AGBL4: variants seen among roughly 807,000 people sequenced by gnomAD.
AGBL4 encodes the protein AGBL carboxypeptidase 4.
In AGBL4, 58 loss-of-function variants were observed where a neutral mutation model predicts 66.4. That is an observed-to-expected ratio of 0.87 (90% CI 0.71 to 1.09). The LOEUF is 1.09. Ranked by LOEUF, AGBL4 falls within the 50% of genes least tolerant of loss-of-function variation. AGBL4 has a pLI of 0.00. For synonymous variants in AGBL4, 234 were observed against 222.9 expected (o/e 1.05, Z -0.44); for missense variants, 579 against 631.0 (o/e 0.92, Z 0.88).
chr1:48,963,501 CTT>C (rs1170684735), intron 5 of AGBL4, among the ~76,000 whole-genome samples: 51 of 143,780 alleles, frequency 3.5e-4, no homozygotes, highest in Admixed American at 4.9e-4. Context: ...TAGAATTCAT[CTT>C]TTTTTTTTTT....
At position 48,578,580 on chromosome 1, in the gene AGBL4, C is replaced by T. The variant is rs146069076; in HGVS notation, c.1267+8424G>A. 7.9e-5 allele frequency among the ~76,000 whole-genome samples: 12 copies of T among 152,262 alleles called. No individual in the cohort carries two copies. The East Asian group carries it at 2.1e-3, about 27-fold the overall frequency. ...TGACTGCTTCCTACTCTTCTGTCCT[C>T]CACCGAAAATTTAGTGAAGGCTCTC... is the stretch of plus-strand genomic sequence containing the variant. On this transcript the variant is annotated intron_variant, in intron 11 of 13. Transcript: ENST00000371839.
intron 5 of AGBL4, among the ~76,000 whole-genome samples, chr1:48,943,758 TTTGTTGTTG>T (rs61662632): frequency 6.6e-6 from 1 of 151,082 alleles, no homozygotes; most frequent in African/African-American, 2.4e-5. Flanking sequence ...TGGGTGGTTG[TTTGTTGTTG>T]TTGTTGTTGT....
intron 3 of AGBL4, among the ~76,000 whole-genome samples, chr1:49,376,546 A>G (rs1644475577): frequency 6.6e-6 from 1 of 152,062 alleles, no homozygotes; most frequent in Non-Finnish European, 1.5e-5. Flanking sequence ...AGCTTTTACT[A>G]TTGCCAGTCC....
At chr1:48,834,472 A>C (rs1646630657) in intron 6 of AGBL4, among the ~76,000 whole-genome samples, 1 of 152,134 alleles carries the variant, frequency 6.6e-6, no homozygotes, top group Non-Finnish European at 1.5e-5. Context: ...TAGTATGTGG[A>C]GGTAAGGCCT....
intron 9 of AGBL4, among the ~76,000 whole-genome samples, chr1:48,599,356 T>C (rs572001660): frequency 3.0e-4 from 45 of 152,094 alleles, no homozygotes; most frequent in African/African-American, 1.1e-3. Flanking sequence ...CCTTTGTATA[T>C]GACTGGCAGC....
chr1:49,282,074 T>C (rs1570323410), intron 3 of AGBL4, among the ~76,000 whole-genome samples: 1 of 152,138 alleles, frequency 6.6e-6, no homozygotes, highest in African/African-American at 2.4e-5. Context: ...TATCTCCAGG[T>C]AGATAGTCAG....
intron 4 of AGBL4, among the ~76,000 whole-genome samples, chr1:49,187,005 C>A (rs1557710796): frequency 6.6e-6 from 1 of 152,084 alleles, no homozygotes. Context: ...GGAAAATATA[C>A]CAAATTTCTT....
intron 3 of AGBL4, among the ~76,000 whole-genome samples, chr1:49,636,452 T>G (rs1645674291): frequency 6.6e-6 from 1 of 152,112 alleles, no homozygotes; most frequent in Non-Finnish European, 1.5e-5. Context: ...TATCCTCACT[T>G]TAGGGATTAG....
intron 3 of AGBL4, among the ~76,000 whole-genome samples, chr1:49,337,985 G>T (rs1645470617): frequency 6.6e-6 from 1 of 152,178 alleles, no homozygotes; most frequent in Non-Finnish European, 1.5e-5. Context: ...GGAAGGAGGA[G>T]AAAACAAGTA....
At chr1:48,911,481 G>C (rs974155397) in intron 5 of AGBL4, among the ~76,000 whole-genome samples, 2 of 152,002 alleles carry the variant, frequency 1.3e-5, no homozygotes, top group African/African-American at 4.8e-5. Context: ...TTAGCCAGGC[G>C]TGGTGGTGGG....
At chr1:48,979,605 T>C (rs1259974132) in intron 5 of AGBL4, among the ~76,000 whole-genome samples, 1 of 152,000 alleles carries the variant, frequency 6.6e-6, no homozygotes, top group Non-Finnish European at 1.5e-5. Flanking sequence ...TCTTTAATCT[T>C]TGAAGAATTG....
intron 3 of AGBL4, among the ~76,000 whole-genome samples, chr1:49,347,051 T>G (rs1324984463): frequency 6.6e-6 from 1 of 152,214 alleles, no homozygotes; most frequent in Admixed American, 6.5e-5. Flanking sequence ...AGTTTCACTT[T>G]AAAGCTAATA....
chr1:49,308,238 A>C (rs934160670), intron 3 of AGBL4, among the ~76,000 whole-genome samples: 1 of 152,200 alleles, frequency 6.6e-6, no homozygotes, highest in Non-Finnish European at 1.5e-5. Context: ...TCTTTACAGC[A>C]GTCCAAGAAC....
chr1:49,101,275 C>A (rs1645196653), intron 4 of AGBL4, among the ~76,000 whole-genome samples: 1 of 152,052 alleles, frequency 6.6e-6, no homozygotes, highest in South Asian at 2.1e-4. Context: ...GCAACCTCCG[C>A]CTCCCAGGTT....
At chr1:49,660,630 T>C (rs984879582) in intron 3 of AGBL4, among the ~76,000 whole-genome samples, 11 of 152,210 alleles carry the variant, frequency 7.2e-5, no homozygotes, top group Admixed American at 6.6e-5. Context: ...TAAATTGTTC[T>C]ATTACAAAGA....
chr1:49,972,683 C>G (rs1164275753), intron 1 of AGBL4, among the ~76,000 whole-genome samples: 1 of 152,112 alleles, frequency 6.6e-6, no homozygotes, highest in Non-Finnish European at 1.5e-5. Context: ...ACTTTTATTA[C>G]AGTTTATTGT....
At chr1:49,839,789 C>T (rs1387619279) in intron 2 of AGBL4, among the ~76,000 whole-genome samples, 1 of 152,128 alleles carries the variant, frequency 6.6e-6, no homozygotes, top group Non-Finnish European at 1.5e-5. Context: ...TGATATATTA[C>T]AATCATCCAT....
intron 9 of AGBL4, among the ~76,000 whole-genome samples, chr1:48,600,036 G>C (rs1170391957): frequency 6.6e-6 from 1 of 152,018 alleles, no homozygotes; most frequent in African/African-American, 2.4e-5. Flanking sequence ...GAAGGTGAAA[G>C]AATACAAGGA....
At chr1:48,768,645 A>G (rs1644651243) in intron 6 of AGBL4, among the ~76,000 whole-genome samples, 2 of 152,208 alleles carry the variant, frequency 1.3e-5, no homozygotes. Context: ...CTTAACTTCC[A>G]TTTGACATAT....
Sources: gnomAD v4.1 joint callset for allele counts (sites outside exome capture counted in the v4.1 genomes callset) on GRCh38, gnomAD v4.1.1 for gene constraint, MANE v1.5 for transcripts, NCBI Gene and HGNC (gene_info 2026-07-23, HGNC 2026-07-21) for gene names.